The following DPH6 variants were observed in gnomAD, a reference collection of about 807,000 sequenced individuals.
DPH6 encodes the protein diphthine--ammonia ligase.
A neutral mutation model predicts 38.2 loss-of-function variants in DPH6; 33 were observed. The observed-to-expected ratio is 0.86, with a 90% CI of 0.65 to 1.15. The LOEUF is 1.15. Among genes scored for constraint, DPH6 ranks in the 50% most tolerant of loss-of-function variants. The pLI is 0.00. For missense variants in DPH6, 325 were observed against 320.0 expected, an observed-to-expected ratio of 1.02 and a Z score of -0.12; for synonymous variants, 108 against 103.0, an observed-to-expected ratio of 1.05 and a Z score of -0.30.
At chr15:35,152,612 G>A in the DPH6 span, among the ~76,000 whole-genome samples, 3 of 152,154 alleles carry the variant, frequency 2.0e-5, no homozygotes, top group Non-Finnish European at 4.4e-5. Context: ...CAATACTCCT[G>A]CCTCAGCCTC....
At chr15:35,356,727 G>T (rs542508004) in intron 3 of DPH6, among the ~76,000 whole-genome samples, 12 of 152,336 alleles carry the variant, frequency 7.9e-5, no homozygotes, top group African/African-American at 2.6e-4. Context: ...CTACTCGGGG[G>T]TCAGGGACCC....
At chr15:35,252,456 A>G (rs2051681327) in intron 3 of DPH6, among the ~76,000 whole-genome samples, 1 of 152,260 alleles carries the variant, frequency 6.6e-6, no homozygotes, top group Non-Finnish European at 1.5e-5. Flanking sequence ...TCATTAAACA[A>G]GCATTGTGAC....
At chr15:35,401,861 GCA>G (rs1007882094) in intron 6 of DPH6, 21 of 500,626 alleles carry the variant, frequency 4.2e-5, no homozygotes, top group Non-Finnish European at 7.6e-5. Context: ...ACTCAGTCAA[GCA>G]CAGTGGTGGC....
chr15:35,397,330 A>G (rs1350553063), intron 6 of DPH6, among the ~76,000 whole-genome samples: 1 of 152,234 alleles, frequency 6.6e-6, no homozygotes, highest in East Asian at 1.9e-4. Context: ...ATTTTTAAAA[A>G]TATAATTTTG....
intron 3 of DPH6, among the ~76,000 whole-genome samples, chr15:35,265,952 A>C (rs1426571267): frequency 6.6e-6 from 1 of 152,150 alleles, no homozygotes; most frequent in Non-Finnish European, 1.5e-5. Flanking sequence ...TCTACAAACA[A>C]TTTAGTTTAG....
chr15:35,471,488 AAATC>A (rs1412432342), intron 3 of DPH6, among the ~76,000 whole-genome samples: 2 of 152,166 alleles, frequency 1.3e-5, no homozygotes, highest in Non-Finnish European at 2.9e-5. Flanking sequence ...TACCTTCTCA[AAATC>A]AATCCCTCCA....
At position 35,454,700 on chromosome 15, in the gene DPH6, C is replaced by T. The variant is rs542467564; in HGVS notation, c.386+47G>A. Reference sequence around the variant, plus strand: ...TTATTATTTTTCACTTATTCACATTCTTAAAACACATACACTTTTAAAACT... The same window carrying T: ...TTATTATTTTTCACTTATTCACATTTTTAAAACACATACACTTTTAAAACT... On this transcript the variant is annotated intron_variant, in intron 4 of 8. Transcript: ENST00000256538. 2.3e-5 allele frequency: 34 copies of T among 1,474,322 alleles called. 1 individual carries two copies. The East Asian group carries it at 3.2e-4, about 14-fold the overall frequency. The allele number at this position is 1,474,322 out of a possible 1,614,324, so 91.3% of individuals were successfully genotyped here. A position where few individuals can be genotyped will look rare whatever the true frequency, so the allele number is the denominator to read the frequency against.
downstream of DPH6, among the ~76,000 whole-genome samples, chr15:35,329,657 G>T (rs951925283): frequency 6.6e-6 from 1 of 152,118 alleles, no homozygotes; most frequent in African/African-American, 2.4e-5. Flanking sequence ...CAGATGATCA[G>T]TTCTGTTCTT....
chr15:35,226,880 A>G (rs1736755913), intron 3 of DPH6, among the ~76,000 whole-genome samples: 1 of 152,194 alleles, frequency 6.6e-6, no homozygotes. Flanking sequence ...ATTTTTTGGA[A>G]TACTTTAAGT....
rs574195514 is a variant in DPH6 at position 35,373,699 on chromosome 15, T to C, written c.663-91A>G. 1.0e-5 allele frequency: 10 copies of C among 955,134 alleles called. No individual in the cohort carries two copies. In the South Asian group the frequency reaches 1.8e-4, roughly 17 times the overall value. 59.2% of individuals were successfully genotyped at this position (955,134 alleles called of 1,614,324 possible). On this transcript the variant is annotated intron_variant, in intron 7 of 8. Coordinates refer to ENST00000256538, the MANE Select transcript of DPH6 (RefSeq NM_080650.4). ...CTGACTAGAAGAGACTAAACATTCT[T>C]GTTTTATATTTATCTCCATTGGTAT...
chr15:35,311,082 A>ACAACAACAAC (rs111481052), intron 3 of DPH6, among the ~76,000 whole-genome samples: 1 of 148,106 alleles, frequency 6.8e-6, no homozygotes, highest in African/African-American at 2.5e-5. Flanking sequence ...AACAACAACA[A>ACAACAACAAC]AAAAAAAAAC....
At position 35,503,214 on chromosome 15, in the gene DPH6, C is replaced by T. The variant is rs969428530; in HGVS notation, c.312+35060G>A. Among the ~76,000 whole-genome samples, 5 of 151,730 alleles carry T rather than the reference C, an allele frequency of 3.3e-5. No individual in the cohort carries two copies. In the East Asian group the frequency reaches 9.7e-4, roughly 29 times the overall value. On this transcript the variant is annotated intron_variant, in intron 3 of 8. Transcript: ENST00000256538. The stretch of plus-strand genomic sequence containing the variant: ...CATAATAAAATATACTGTTACATAC[C>T]TTTGTTATAAGTAAATAAGTAATCT...
intron 3 of DPH6, among the ~76,000 whole-genome samples, chr15:35,287,599 T>C (rs976991505): frequency 1.5e-4 from 23 of 152,320 alleles, no homozygotes; most frequent in African/African-American, 4.8e-4. Context: ...TCTACAATTA[T>C]AACCATCTGA....
intron 7 of DPH6, among the ~76,000 whole-genome samples, chr15:35,380,639 T>A (rs894426149): frequency 5.9e-5 from 9 of 152,238 alleles, no homozygotes; most frequent in Admixed American, 5.9e-4. Flanking sequence ...AATGTTTTTC[T>A]TGAATAATAT....
chr15:35,292,921 C>T (rs868580650), intron 3 of DPH6, among the ~76,000 whole-genome samples: 4 of 152,084 alleles, frequency 2.6e-5, no homozygotes, highest in African/African-American at 9.6e-5. Context: ...AAAACTTACT[C>T]CTAGGTTTGT....
chr15:35,436,294 G>A lies in DPH6; in HGVS notation c.505+14391C>T, dbSNP rs571158503. On this transcript the variant is annotated intron_variant, in intron 5 of 8. Transcript: ENST00000256538. ...ATCTTGGCTAACATGGTGAAACCCC[G>A]TCTCTACTAAAAATACAAAAAATTA... is the stretch of plus-strand genomic sequence containing the variant. Among the ~76,000 whole-genome samples the A allele has an allele frequency of 1.9e-3, 289 of 151,104 alleles. 1 individual carries two copies. The highest frequency in any genetic ancestry group is 2.8e-3 in the Non-Finnish European group (187 of 67,858).
intron 2 of DPH6, 77 bp downstream of exon 2, chr15:35,542,336 G>A (rs2055264857): frequency 8.3e-6 from 10 of 1,198,868 alleles, no homozygotes; most frequent in South Asian, 4.6e-5. Context: ...ATCTTTGTAC[G>A]GTATACCTGT....
intron 3 of DPH6, among the ~76,000 whole-genome samples, chr15:35,460,451 T>C (rs1410338523): frequency 6.6e-6 from 1 of 152,258 alleles, no homozygotes; most frequent in African/African-American, 2.4e-5. Flanking sequence ...GGCTGGCACA[T>C]TGCTAAACCA....
intron 3 of DPH6, among the ~76,000 whole-genome samples, chr15:35,473,725 C>T (rs73380783): frequency 0.16 from 24,047 of 151,994 alleles, 3,555 homozygotes; most frequent in African/African-American, 0.4. Flanking sequence ...TGTACCAGGA[C>T]ATTCATGGTA....
Sources: allele counts gnomAD v4.1 joint callset (sites outside exome capture counted in the v4.1 genomes callset), GRCh38; gene constraint gnomAD v4.1.1; transcripts MANE v1.5; gene names NCBI Gene and HGNC (gene_info 2026-07-23, HGNC 2026-07-21).